SGCZ: variants seen among roughly 807,000 people sequenced by gnomAD.
The protein encoded by SGCZ is sarcoglycan zeta, also known as zeta-sarcoglycan.
A neutral mutation model predicts 41.3 loss-of-function variants in SGCZ; 40 were observed. That is an observed-to-expected ratio of 0.97 (90% CI 0.75 to 1.26). SGCZ has a LOEUF of 1.26. SGCZ is among the 50% of genes most tolerant of loss of function. The pLI is 0.00. For synonymous variants in SGCZ, 206 were observed against 137.5 expected, an observed-to-expected ratio of 1.50 and a Z score of -3.49; for missense variants, 552 against 369.8, an observed-to-expected ratio of 1.49 and a Z score of -4.04.
chr8:14,864,245 TA>T (rs1803850978), intron 1 of SGCZ, among the ~76,000 whole-genome samples: 1 of 151,476 alleles, frequency 6.6e-6, no homozygotes. Context: ...ACATGTTTCC[TA>T]TTTTTTTTCT....
chr8:14,776,545 G>C (rs1172891180), intron 1 of SGCZ, among the ~76,000 whole-genome samples: 11 of 131,776 alleles, frequency 8.3e-5, no homozygotes, highest in Middle Eastern at 4.8e-3. Context: ...TTGAGATGGA[G>C]TCTCGGTCTG....
intron 2 of SGCZ, among the ~76,000 whole-genome samples, chr8:14,403,162 T>C (rs1319859505): frequency 6.7e-6 from 1 of 150,312 alleles, no homozygotes; most frequent in African/African-American, 2.5e-5. Flanking sequence ...TTTGCTGAAG[T>C]TGCTTATCAG....
At chr8:14,276,113 C>A (rs557478248) in intron 3 of SGCZ, among the ~76,000 whole-genome samples, 1 of 152,126 alleles carries the variant, frequency 6.6e-6, no homozygotes, top group Non-Finnish European at 1.5e-5. Context: ...GTGAAATGAT[C>A]GCTCTAAACA....
chr8:14,151,391 C>A (rs1803705099), intron 5 of SGCZ, among the ~76,000 whole-genome samples: 1 of 151,772 alleles, frequency 6.6e-6, no homozygotes, highest in South Asian at 2.1e-4. Context: ...AGAACATTTA[C>A]AGATAATTTA....
intron 1 of SGCZ, among the ~76,000 whole-genome samples, chr8:14,563,777 T>G (rs1585083160): frequency 6.6e-6 from 1 of 152,354 alleles, no homozygotes; most frequent in South Asian, 2.1e-4. Flanking sequence ...TAAGTCCAGC[T>G]GTTGAGAACC....
chr8:15,103,783 C>A (rs768916000), intron 1 of SGCZ, among the ~76,000 whole-genome samples: 8 of 152,044 alleles, frequency 5.3e-5, no homozygotes, highest in Non-Finnish European at 1.2e-4. Context: ...AAATTCCCAG[C>A]ATAATGGGAG....
intron 7 of SGCZ, among the ~76,000 whole-genome samples, chr8:14,094,908 G>T (rs1191169618): frequency 1.3e-5 from 2 of 152,074 alleles, no homozygotes; most frequent in Non-Finnish European, 2.9e-5. Context: ...TTTTTTTCAT[G>T]TGTTTGTTGG....
chr8:15,178,602 TCTTGAA>T (rs1257879979), intron 1 of SGCZ, among the ~76,000 whole-genome samples: 1 of 152,186 alleles, frequency 6.6e-6, no homozygotes, highest in Non-Finnish European at 1.5e-5. Flanking sequence ...ACAGCAAACC[TCTTGAA>T]CTTATTCATC....
chr8:14,812,877 A>T (rs552331355), intron 1 of SGCZ, among the ~76,000 whole-genome samples: 1 of 152,272 alleles, frequency 6.6e-6, no homozygotes, highest in South Asian at 2.1e-4. Context: ...AAACCTTCTG[A>T]CACTAATGCT....
intron 1 of SGCZ, among the ~76,000 whole-genome samples, chr8:14,571,958 G>C (rs1804567510): frequency 6.6e-6 from 1 of 152,100 alleles, no homozygotes. Context: ...AGGTTGGAAT[G>C]AATAGGAAAA....
chr8:15,082,739 A>C (rs1805801313), intron 1 of SGCZ, among the ~76,000 whole-genome samples: 1 of 152,074 alleles, frequency 6.6e-6, no homozygotes, highest in Admixed American at 6.6e-5. Flanking sequence ...TTTCCTTCCT[A>C]CCTTCTTATT....
At chr8:14,985,759 G>A (rs565921102) in intron 1 of SGCZ, among the ~76,000 whole-genome samples, 2 of 152,294 alleles carry the variant, frequency 1.3e-5, no homozygotes, top group East Asian at 1.9e-4. Context: ...GGTAGCTGAA[G>A]AACATTCTGT....
chr8:14,550,968 C>A (rs1467754223), intron 2 of SGCZ, among the ~76,000 whole-genome samples: 1 of 151,932 alleles, frequency 6.6e-6, no homozygotes, highest in Non-Finnish European at 1.5e-5. Flanking sequence ...TCCCAATGAT[C>A]ACGCAAGACT....
Position 14,090,369 on chromosome 8 carries a change from G to A in SGCZ, c.*74C>T. The A allele has an allele frequency of 1.3e-6, 2 of 1,506,260 alleles. No homozygotes were observed. The highest frequency in any genetic ancestry group is 2.3e-5 in the East Asian group (1 of 44,150). 93.3% of individuals were successfully genotyped at this position (1,506,260 alleles called of 1,614,324 possible). Reference sequence around the variant, plus strand: ...GAAGAAGCTCTGGACTGATCACAAGGGAAACCGAGCAGAACTGTGAAGCAG... The same window carrying A: ...GAAGAAGCTCTGGACTGATCACAAGAGAAACCGAGCAGAACTGTGAAGCAG... On this transcript the variant is annotated 3_prime_UTR_variant, in exon 8 of 8. Transcript: ENST00000382080.
At chr8:14,607,442 A>G (rs1439889397) in intron 1 of SGCZ, among the ~76,000 whole-genome samples, 1 of 152,188 alleles carries the variant, frequency 6.6e-6, no homozygotes, top group Admixed American at 6.5e-5. Flanking sequence ...TAGGTAATTC[A>G]ATACTAGTTC....
chr8:14,865,673 G>T (rs1406712941), intron 1 of SGCZ, among the ~76,000 whole-genome samples: 2 of 152,124 alleles, frequency 1.3e-5, no homozygotes, highest in East Asian at 1.9e-4. Flanking sequence ...CAACACATCT[G>T]CATAAAGACA....
intron 3 of SGCZ, among the ~76,000 whole-genome samples, chr8:14,285,440 C>T (rs1429378949): frequency 6.6e-6 from 1 of 152,048 alleles, no homozygotes; most frequent in Non-Finnish European, 1.5e-5. Flanking sequence ...GAACTGGATC[C>T]AGAAATCTGA....
At chr8:14,510,857 G>T (rs1802446794) in intron 2 of SGCZ, among the ~76,000 whole-genome samples, 1 of 152,078 alleles carries the variant, frequency 6.6e-6, no homozygotes, top group Non-Finnish European at 1.5e-5. Flanking sequence ...ACTGAGAAAT[G>T]TCTTCATTAA....
At chr8:14,301,481 T>C (rs1288490929) in intron 3 of SGCZ, among the ~76,000 whole-genome samples, 2 of 152,108 alleles carry the variant, frequency 1.3e-5, no homozygotes, top group Non-Finnish European at 2.9e-5. Flanking sequence ...TGCTGTTTTA[T>C]AGATTACACC....
Sources: allele counts gnomAD v4.1 joint callset (sites outside exome capture counted in the v4.1 genomes callset), GRCh38; gene constraint gnomAD v4.1.1; transcripts MANE v1.5; gene names NCBI Gene and HGNC (gene_info 2026-07-23, HGNC 2026-07-21).